Variants in TMEM117 observed in about 807,000 individuals in gnomAD.
TMEM117 encodes transmembrane protein 117.
Under a neutral mutation model 52.4 loss-of-function variants are expected in TMEM117, and 27 were observed. The observed-to-expected ratio is 0.51, with a 90% CI of 0.38 to 0.71. TMEM117 has a LOEUF of 0.71. Among genes scored for constraint, TMEM117 ranks in the 30% least tolerant of loss-of-function variants. The pLI is 0.00. For synonymous variants in TMEM117, 215 were observed against 206.3 expected (o/e 1.04, Z -0.36); for missense variants, 556 against 630.5 (o/e 0.88, Z 1.26).
intron 4 of TMEM117, among the ~76,000 whole-genome samples, chr12:44,207,883 T>C (rs1192972895): frequency 6.6e-6 from 1 of 152,058 alleles, no homozygotes; most frequent in Non-Finnish European, 1.5e-5. Flanking sequence ...CACATAATGG[T>C]ATAGATGTGT....
chr12:44,203,619 G>T (rs746197728), intron 4 of TMEM117, among the ~76,000 whole-genome samples: 1 of 152,074 alleles, frequency 6.6e-6, no homozygotes, highest in Non-Finnish European at 1.5e-5. Flanking sequence ...CACTGCCTTA[G>T]CTTTGTCCTA....
At chr12:44,291,032 GC>G (rs1328232994) in intron 5 of TMEM117, among the ~76,000 whole-genome samples, 1 of 152,082 alleles carries the variant, frequency 6.6e-6, no homozygotes, top group African/African-American at 2.4e-5. Context: ...TTTGAAAAAT[GC>G]CATTGGAATT....
At chr12:44,090,693 G>A (rs868854965) in intron 3 of TMEM117, among the ~76,000 whole-genome samples, 173 of 151,960 alleles carry the variant, frequency 1.1e-3, no homozygotes, top group African/African-American at 3.8e-3. Flanking sequence ...ACTCGCCTCA[G>A]CCTCCCAAAG....
chr12:44,152,954 T>TAC (rs1356123524), intron 4 of TMEM117, among the ~76,000 whole-genome samples: 1 of 150,220 alleles, frequency 6.7e-6, no homozygotes, highest in Non-Finnish European at 1.5e-5. Flanking sequence ...ATAGTGCATA[T>TAC]ACACACACAC....
the TMEM117 span, among the ~76,000 whole-genome samples, chr12:43,801,352 C>A: frequency 6.6e-6 from 1 of 152,054 alleles, no homozygotes; most frequent in African/African-American, 2.4e-5. Context: ...ATTTCATAAT[C>A]CTGCATGGTC....
downstream of TMEM117, among the ~76,000 whole-genome samples, chr12:44,393,952 G>A (rs1355387428): frequency 6.6e-6 from 1 of 152,088 alleles, no homozygotes; most frequent in African/African-American, 2.4e-5. Context: ...TTTCTTTGGG[G>A]AAGGGAGACT....
chr12:44,376,449 C>G, intron 6 of TMEM117, 146 bp from the exon 7 acceptor site: 1 of 917,764 alleles, frequency 1.1e-6, no homozygotes, highest in Non-Finnish European at 1.8e-6. Flanking sequence ...CATAAAATAA[C>G]CATCACAGAA....
At chr12:43,821,082 A>G in the TMEM117 span, among the ~76,000 whole-genome samples, 4 of 151,122 alleles carry the variant, frequency 2.6e-5, no homozygotes, top group Non-Finnish European at 5.9e-5. Context: ...GCAACAAAGC[A>G]AGACTCCCTC....
At chr12:43,923,711 C>T (rs781610112) in intron 2 of TMEM117, among the ~76,000 whole-genome samples, 4 of 152,100 alleles carry the variant, frequency 2.6e-5, no homozygotes, top group Non-Finnish European at 4.4e-5. Context: ...GTCATAATTT[C>T]AAGTTAGTGT....
intron 3 of TMEM117, among the ~76,000 whole-genome samples, chr12:44,027,127 ATTTTATATTTTATTT>A (rs1760747298): frequency 1.4e-5 from 2 of 139,950 alleles, no homozygotes; most frequent in East Asian, 4.0e-4. Flanking sequence ...TTATTATTTT[ATTTTATATTTTATTT>A]TATTTTATTT....
intron 4 of TMEM117, among the ~76,000 whole-genome samples, chr12:44,208,163 C>G (rs556703893): frequency 2.6e-5 from 4 of 152,248 alleles, no homozygotes; most frequent in Admixed American, 6.5e-5. Flanking sequence ...TTTTTACAAT[C>G]ATTTACTGAC....
chr12:44,073,352 C>T (rs940798538), intron 3 of TMEM117, among the ~76,000 whole-genome samples: 1 of 152,028 alleles, frequency 6.6e-6, no homozygotes, highest in African/African-American at 2.4e-5. Flanking sequence ...TGGGTGAACT[C>T]GGGCAAGTTA....
At chr12:44,009,837 T>G (rs919529216) in intron 3 of TMEM117, 3 of 272,478 alleles carry the variant, frequency 1.1e-5, no homozygotes, top group Admixed American at 4.1e-5. Flanking sequence ...CTGGGTATCC[T>G]TGTGCAAAAT....
intron 3 of TMEM117, among the ~76,000 whole-genome samples, chr12:44,043,400 G>A (rs1351964552): frequency 6.6e-6 from 1 of 152,118 alleles, no homozygotes; most frequent in African/African-American, 2.4e-5. Flanking sequence ...GGAAAAGAAC[G>A]GGACCCTGAA....
At chr12:43,946,988 C>T (rs972766220) in intron 3 of TMEM117, among the ~76,000 whole-genome samples, 3 of 152,138 alleles carry the variant, frequency 2.0e-5, no homozygotes, top group African/African-American at 7.2e-5. Flanking sequence ...ATTAAAGGTG[C>T]CACATTTTAG....
chr12:44,200,246 A>G (rs7137787), intron 4 of TMEM117, among the ~76,000 whole-genome samples: 30,989 of 152,172 alleles, frequency 0.2, 5,449 homozygotes, highest in African/African-American at 0.48. Context: ...GATAAACCCA[A>G]TGTTTAGTTT....
intron 3 of TMEM117, among the ~76,000 whole-genome samples, chr12:44,026,714 A>T (rs1946539619): frequency 6.6e-6 from 1 of 152,210 alleles, no homozygotes; most frequent in Non-Finnish European, 1.5e-5. Flanking sequence ...ATTTGAACTC[A>T]TTTAGAACTT....
intron 7 of TMEM117, among the ~76,000 whole-genome samples, chr12:44,380,735 G>GT (rs5797897): frequency 4.6e-5 from 7 of 152,024 alleles, no homozygotes; most frequent in Non-Finnish European, 8.8e-5. Context: ...AGCTTTCACT[G>GT]TTTTTTTACT....
chr12:44,038,547 A>G (rs1050982217), intron 3 of TMEM117, among the ~76,000 whole-genome samples: 2 of 152,206 alleles, frequency 1.3e-5, no homozygotes, highest in Non-Finnish European at 2.9e-5. Flanking sequence ...CTTGACAGGC[A>G]TGAGAGTCAG....
Sources: allele counts gnomAD v4.1 joint callset (sites outside exome capture counted in the v4.1 genomes callset), GRCh38; gene constraint gnomAD v4.1.1; transcripts MANE v1.5; gene names NCBI Gene and HGNC (gene_info 2026-07-23, HGNC 2026-07-21).